The following SAXO1 variants were observed in gnomAD, a reference collection of about 807,000 sequenced individuals.
SAXO1 encodes the protein stabilizer of axonemal microtubules 1, also known as 4930500O09Rik.
SAXO1 carries 21 observed loss-of-function variants against 17.5 expected under a neutral mutation model. The observed-to-expected ratio is 1.20, with a 90% CI of 0.85 to 1.72. The LOEUF (loss-of-function observed/expected upper bound fraction) is 1.72. Ranked by LOEUF, SAXO1 falls within the 40% of genes most tolerant of loss-of-function variation. The pLI, the probability that SAXO1 is intolerant of heterozygous loss-of-function variation, is 0.00. For missense variants in SAXO1, 843 were observed against 596.0 expected (o/e 1.41, Z -4.32); for synonymous variants, 274 against 216.5 (o/e 1.27, Z -2.33).
rs754786372 is a variant in SAXO1, at chr9:18,928,157, G to C, written c.1320C>G (p.His440Gln). Residue 440 changes from histidine (H) to glutamine (Q), a missense_variant, in exon 4 of 4, where the codon CAC becomes CAG. Transcript: ENST00000380534. ...CCTGGGAAACTGGTTTGTATATCCTGTGACCCAAAGCATCCACTTCCTCAA... is the reference window on the plus strand; with the variant it reads ...CCTGGGAAACTGGTTTGTATATCCTCTGACCCAAAGCATCCACTTCCTCAA... ...YTFEEVDALG[H>Q]RIYKPVSQAG... 4 of 1,614,178 alleles carry C rather than the reference G, an allele frequency of 2.5e-6. No individual in the cohort carries two copies. The highest frequency in any genetic ancestry group is 3.4e-6 in the Non-Finnish European group (4 of 1,180,034).
At chr9:18,971,568 G>T (rs1588460633) in intron 1 of SAXO1, among the ~76,000 whole-genome samples, 1 of 152,148 alleles carries the variant, frequency 6.6e-6, no homozygotes, top group Non-Finnish European at 1.5e-5. Flanking sequence ...GTGATTCTTA[G>T]GGACCTAACT....
At position 19,032,855 on chromosome 9, in the gene SAXO1, G is replaced by C. The variant is rs1427098572; in HGVS notation, c.38+16C>G. On this transcript the variant is annotated intron_variant, in intron 1 of 3. Coordinates refer to ENST00000380534, the MANE Select transcript of SAXO1 (RefSeq NM_153707.4). Reference sequence around the variant, plus strand: ...CCCAGGCTCCCCCAGCCTTGCCCTGGGCGTGGCCACCTTACCCGCAGGAGC... The same window carrying C: ...CCCAGGCTCCCCCAGCCTTGCCCTGCGCGTGGCCACCTTACCCGCAGGAGC... 8 of 1,609,476 alleles carry C rather than the reference G, an allele frequency of 5.0e-6. No homozygotes were observed. Among genetic ancestry groups the C allele is most frequent in the Non-Finnish European group, 5.9e-6 (7 of 1,179,504 alleles).
At chr9:19,028,484 G>C (rs1224392285) in intron 1 of SAXO1, among the ~76,000 whole-genome samples, 4 of 152,182 alleles carry the variant, frequency 2.6e-5, no homozygotes, top group Admixed American at 6.5e-5. Context: ...TACAAAATTA[G>C]AGTTACTCTA....
At chr9:18,991,062 A>C (rs1325469128) in intron 1 of SAXO1, among the ~76,000 whole-genome samples, 3 of 152,206 alleles carry the variant, frequency 2.0e-5, no homozygotes, top group Non-Finnish European at 4.4e-5. Context: ...GTTCAAGACC[A>C]GCCTGGCCAA....
chr9:19,010,471 T>A (rs1211652740), intron 1 of SAXO1, among the ~76,000 whole-genome samples: 1 of 150,616 alleles, frequency 6.6e-6, no homozygotes, highest in East Asian at 1.9e-4. Flanking sequence ...AGGTTCCATA[T>A]TTCTAGGAAA....
At chr9:18,965,695 T>C (rs1182071481) in intron 1 of SAXO1, among the ~76,000 whole-genome samples, 2 of 152,186 alleles carry the variant, frequency 1.3e-5, no homozygotes, top group African/African-American at 2.4e-5. Flanking sequence ...CTTGACTCTA[T>C]CCAATTTGCC....
At chr9:18,930,790 C>A (rs1290245608) in intron 3 of SAXO1, among the ~76,000 whole-genome samples, 2 of 152,212 alleles carry the variant, frequency 1.3e-5, no homozygotes, top group Non-Finnish European at 2.9e-5. Context: ...TGAGCCACCA[C>A]GCCCGGCCTA....
chr9:18,948,470 C>T (rs142240202), intron 2 of SAXO1, among the ~76,000 whole-genome samples: 2 of 152,286 alleles, frequency 1.3e-5, no homozygotes, highest in East Asian at 3.9e-4. Flanking sequence ...AATCTGCTTT[C>T]CTCTACTTTA....
chr9:19,025,070 T>A (rs1314966501), intron 1 of SAXO1, among the ~76,000 whole-genome samples: 1 of 152,254 alleles, frequency 6.6e-6, no homozygotes, highest in Non-Finnish European at 1.5e-5. Context: ...AAGGTATTTA[T>A]GAACAATTAA....
rs1830882060 is a variant in SAXO1 at position 18,928,515 on chromosome 9, G to A, written c.962C>T (p.Ser321Phe). 6.2e-7 allele frequency: 1 copy of A among 1,613,852 alleles called. No individual in the cohort carries two copies. Among genetic ancestry groups the A allele is most frequent in the Non-Finnish European group, 8.5e-7 (1 of 1,179,960 alleles). ...YTCPKGAPAQ[S>F]CRPALQIKKC... ...CTTAATCTGAAGTGCAGGTCGGCAG[G>A]ACTGAGCTGGGGCACCCTTAGGGCA... is the stretch of plus-strand genomic sequence containing the variant. The change falls in exon 4 of 4, where the codon TCC becomes TTC. Residue 321 changes from serine to phenylalanine, a missense_variant. Transcript: ENST00000380534.
intron 3 of SAXO1, among the ~76,000 whole-genome samples, chr9:18,932,923 G>A (rs1012647920): frequency 6.6e-6 from 1 of 152,144 alleles, no homozygotes; most frequent in Non-Finnish European, 1.5e-5. Context: ...TAATTTTTTG[G>A]ATTCCTTGGT....
rs889928489 is a variant in SAXO1, at chr9:18,928,017, G to A, written c.*35C>T. 4.6e-6 allele frequency: 7 copies of A among 1,508,514 alleles called. No individual in the cohort carries two copies. Among genetic ancestry groups the A allele is most frequent in the Middle Eastern group, 1.8e-4 (1 of 5,618 alleles). 93.4% of individuals were successfully genotyped at this position (1,508,514 alleles called of 1,614,324 possible). Reference sequence around the variant, plus strand: ...AATTCTCAGTTGTCTGCTTTTAAAAGTACTGTGTAATTTCTAAATTACTAT... The same window carrying A: ...AATTCTCAGTTGTCTGCTTTTAAAAATACTGTGTAATTTCTAAATTACTAT... On this transcript the variant is annotated 3_prime_UTR_variant, in exon 4 of 4. Transcript: ENST00000380534.
chr9:19,022,517 T>G (rs946800707), intron 1 of SAXO1, among the ~76,000 whole-genome samples: 1 of 152,234 alleles, frequency 6.6e-6, no homozygotes, highest in East Asian at 1.9e-4. Context: ...ACAGATTGTA[T>G]GTAGAGTTTT....
At chr9:18,966,887 C>T (rs954884363) in intron 1 of SAXO1, among the ~76,000 whole-genome samples, 3 of 152,152 alleles carry the variant, frequency 2.0e-5, no homozygotes, top group Non-Finnish European at 4.4e-5. Flanking sequence ...GATTTATCTA[C>T]CTTTAATCTT....
chr9:18,958,912 G>A (rs547273951), intron 1 of SAXO1, among the ~76,000 whole-genome samples: 10 of 152,280 alleles, frequency 6.6e-5, no homozygotes, highest in South Asian at 4.2e-4. Context: ...CCGTATTTGC[G>A]AAGAAGGAAA....
At chr9:18,985,999 C>T (rs1306723250) in intron 1 of SAXO1, among the ~76,000 whole-genome samples, 3 of 152,172 alleles carry the variant, frequency 2.0e-5, no homozygotes, top group African/African-American at 7.2e-5. Context: ...GTAATCAAAG[C>T]ACAATTAGAC....
In SAXO1 at chr9:18,928,232, C is replaced by T; in HGVS notation, c.1245G>A (p.Lys415=). The T allele has an allele frequency of 6.2e-7, 1 of 1,614,088 alleles. No individual in the cohort carries two copies. Among genetic ancestry groups the T allele is most frequent in the Non-Finnish European group, 8.5e-7 (1 of 1,180,006 alleles). Residue 415 remains lysine (K), a synonymous_variant, in exon 4 of 4, where the codon AAG becomes AAA. Coordinates refer to ENST00000380534, the MANE Select transcript of SAXO1 (RefSeq NM_153707.4). The part of the protein sequence containing the change: ...QTTYTISFTP[K]EMGRCLASYP... ...ATGAAGCTAGGCACCTGCCCATTTC[C>T]TTGGGAGTAAAGCTGATGGTGTAGG...
At chr9:18,992,477 T>C (rs1833850909) in intron 1 of SAXO1, among the ~76,000 whole-genome samples, 2 of 152,252 alleles carry the variant, frequency 1.3e-5, no homozygotes, top group African/African-American at 4.8e-5. Flanking sequence ...GTACCTCAAC[T>C]ACCTCTGTAA....
chr9:19,037,652 C>T (rs1835976215), upstream of SAXO1, among the ~76,000 whole-genome samples: 1 of 152,184 alleles, frequency 6.6e-6, no homozygotes, highest in Admixed American at 6.5e-5. Flanking sequence ...CCAATTAAAC[C>T]TCTTTTCCTT....
Sources: allele counts gnomAD v4.1 joint callset (sites outside exome capture counted in the v4.1 genomes callset), GRCh38; gene constraint gnomAD v4.1.1; transcripts MANE v1.5; gene names NCBI Gene and HGNC (gene_info 2026-07-23, HGNC 2026-07-21).